The following ELMO1 variants were observed in gnomAD, a reference collection of about 807,000 sequenced individuals.
The protein encoded by ELMO1 is engulfment and cell motility protein 1.
Under a neutral mutation model 98.9 loss-of-function variants are expected in ELMO1, and 26 were observed. The ratio of observed to expected loss-of-function variants is 0.26; its 90% confidence interval spans 0.19 to 0.36. The LOEUF is 0.36. Ranked by LOEUF, ELMO1 falls within the 10% of genes least tolerant of loss-of-function variation. ELMO1 has a pLI of 1.00. For missense variants in ELMO1, 627 were observed against 935.2 expected (o/e 0.67, Z 4.30); for synonymous variants, 346 against 346.0 (o/e 1.00, Z 0.00).
chr7:36,934,185 G>A (rs1056260221), intron 16 of ELMO1, among the ~76,000 whole-genome samples: 1 of 152,114 alleles, frequency 6.6e-6, no homozygotes, highest in East Asian at 1.9e-4. Flanking sequence ...GGACTGTGGC[G>A]AACTAGGGCA....
intron 14 of ELMO1, among the ~76,000 whole-genome samples, chr7:37,114,371 T>C (rs1296351701): frequency 2.0e-5 from 3 of 152,020 alleles, no homozygotes; most frequent in Non-Finnish European, 4.4e-5. Flanking sequence ...GAAAGCAGAG[T>C]CAATAGGATT....
At chr7:37,167,068 A>C (rs1039453811) in intron 13 of ELMO1, among the ~76,000 whole-genome samples, 2 of 152,076 alleles carry the variant, frequency 1.3e-5, no homozygotes, top group East Asian at 3.9e-4. Flanking sequence ...CTTCTTGTTG[A>C]ATTGATCCCT....
At chr7:37,439,980 GGTGT>G (rs3054254) in intron 1 of ELMO1, among the ~76,000 whole-genome samples, 1 of 150,324 alleles carries the variant, frequency 6.7e-6, no homozygotes, top group African/African-American at 2.4e-5. Flanking sequence ...GAGCTGCATG[GGTGT>G]GTGTGTGTGT....
chr7:37,098,890 AG>A (rs1265654404), intron 14 of ELMO1, among the ~76,000 whole-genome samples: 2 of 152,224 alleles, frequency 1.3e-5, no homozygotes, highest in Admixed American at 6.5e-5. Context: ...GACAGAAGAC[AG>A]GTAGTTTTCC....
chr7:36,923,149 G>A (rs1785277923), intron 16 of ELMO1, among the ~76,000 whole-genome samples: 1 of 152,178 alleles, frequency 6.6e-6, no homozygotes, highest in Non-Finnish European at 1.5e-5. Context: ...ACTGGACTGT[G>A]AGGTCCTCGG....
chr7:36,877,956 T>A, intron 19 of ELMO1, 54 bp downstream of exon 19: 3 of 1,366,658 alleles, frequency 2.2e-6, no homozygotes, highest in Middle Eastern at 1.8e-4. Flanking sequence ...ATATTGTGAC[T>A]AGGAAACAAC....
chr7:37,273,779 G>A (rs2130866344), intron 4 of ELMO1, among the ~76,000 whole-genome samples: 1 of 152,266 alleles, frequency 6.6e-6, no homozygotes, highest in East Asian at 1.9e-4. Context: ...GCCACAAGCT[G>A]GAGTTTGCTC....
chr7:37,413,224 TC>T (rs969483180), intron 1 of ELMO1, among the ~76,000 whole-genome samples: 1 of 152,056 alleles, frequency 6.6e-6, no homozygotes, highest in Non-Finnish European at 1.5e-5. Context: ...TCTTCTCCCT[TC>T]CCCTTGCACA....
At chr7:37,436,175 A>T (rs550496589) in intron 1 of ELMO1, among the ~76,000 whole-genome samples, 10 of 152,302 alleles carry the variant, frequency 6.6e-5, no homozygotes, top group African/African-American at 2.4e-4. Flanking sequence ...GTTACTGTAG[A>T]TCTGTATTTC....
At position 37,008,813 on chromosome 7, in the gene ELMO1, T is replaced by C. The variant is rs527313283; in HGVS notation, c.1437+4486A>G. ...GCACGAAATTTACAGTAGCTTGTGATAAGTATCACATGTGTTAATGATGGC... is the reference window on the plus strand; with the variant it reads ...GCACGAAATTTACAGTAGCTTGTGACAAGTATCACATGTGTTAATGATGGC... On this transcript the variant is annotated intron_variant, in intron 16 of 21. Transcript: ENST00000310758. Among the ~76,000 whole-genome samples, 4 of 152,314 alleles carry C rather than the reference T, an allele frequency of 2.6e-5. No homozygotes were observed. In the East Asian group the frequency reaches 7.7e-4, roughly 29 times the overall value.
chr7:37,192,166 C>T (rs1383048899), intron 13 of ELMO1, among the ~76,000 whole-genome samples: 3 of 152,116 alleles, frequency 2.0e-5, no homozygotes, highest in Non-Finnish European at 4.4e-5. Context: ...AGGGATGTGT[C>T]ACATTGATTA....
intron 15 of ELMO1, among the ~76,000 whole-genome samples, chr7:37,091,147 A>T (rs955670539): frequency 6.6e-6 from 1 of 152,040 alleles, no homozygotes; most frequent in African/African-American, 2.4e-5. Flanking sequence ...CATTCTTGTC[A>T]CCCAGGCTGG....
chr7:37,346,576 G>A (rs574111939), intron 1 of ELMO1, among the ~76,000 whole-genome samples: 11 of 152,190 alleles, frequency 7.2e-5, no homozygotes, highest in African/African-American at 1.4e-4. Flanking sequence ...AGAACAATGC[G>A]TTTTATCTGT....
chr7:37,211,323 T>C (rs902075083), intron 13 of ELMO1, 63 bp downstream of exon 13: 2 of 1,610,074 alleles, frequency 1.2e-6, no homozygotes, highest in African/African-American at 1.3e-5. Context: ...ACATCAGTTA[T>C]GTGGCTGAGG....
At chr7:36,945,361 C>G (rs77418747) in intron 16 of ELMO1, among the ~76,000 whole-genome samples, 2,453 of 152,238 alleles carry the variant, frequency 0.016, 72 homozygotes, top group African/African-American at 0.056. Flanking sequence ...TGCACTAAGT[C>G]AATGAGCCTA....
At chr7:37,316,562 G>GC (rs1799171118) in intron 2 of ELMO1, among the ~76,000 whole-genome samples, 1 of 152,146 alleles carries the variant, frequency 6.6e-6, no homozygotes, top group Admixed American at 6.5e-5. Flanking sequence ...ACTGGCGGGT[G>GC]ACTACAGCTG....
In ELMO1 at chr7:37,331,175, C is replaced by CTT. The variant is rs773250872; in HGVS notation, c.78+11436_78+11437dup. Among the ~76,000 whole-genome samples, 109 of 144,574 alleles carry CTT rather than the reference C, an allele frequency of 7.5e-4. 1 individual carries two copies. The East Asian group carries it at 0.011, about 15-fold the overall frequency. The allele number at this position is 144,574 out of a possible 152,430, so 94.8% of individuals were successfully genotyped here. On this transcript the variant is annotated intron_variant, in intron 2 of 21. Transcript: ENST00000310758. ...ATAAGGGAAAAACTACTGCATTTTTCTTTTTTTTTTTGGAGACACAGTCTC... is the reference window on the plus strand; with the variant it reads ...ATAAGGGAAAAACTACTGCATTTTTCTTTTTTTTTTTTTGGAGACACAGTCTC...
intron 4 of ELMO1, among the ~76,000 whole-genome samples, chr7:37,301,163 G>A (rs1341247953): frequency 1.3e-5 from 2 of 151,926 alleles, no homozygotes; most frequent in Non-Finnish European, 2.9e-5. Context: ...TTAAAAAGAT[G>A]GCTAATAACT....
At chr7:36,940,827 C>T (rs77521014) in intron 16 of ELMO1, among the ~76,000 whole-genome samples, 2 of 152,200 alleles carry the variant, frequency 1.3e-5, no homozygotes, top group African/African-American at 4.8e-5. Context: ...TCTTCATCAG[C>T]AGGGGAGACA....
Sources: allele counts gnomAD v4.1 joint callset (sites outside exome capture counted in the v4.1 genomes callset), GRCh38; gene constraint gnomAD v4.1.1; transcripts MANE v1.5; gene names NCBI Gene and HGNC (gene_info 2026-07-23, HGNC 2026-07-21).